FBXO8: variants seen among roughly 807,000 people sequenced by gnomAD.
The protein encoded by FBXO8 is F-box protein 8.
Under a neutral mutation model 33.4 loss-of-function variants are expected in FBXO8, and 15 were observed. That is an observed-to-expected ratio of 0.45 (90% CI 0.30 to 0.69). FBXO8 has a LOEUF of 0.69. Among genes scored for constraint, FBXO8 ranks in the 30% least tolerant of loss-of-function variants. FBXO8 has a pLI of 0.08. For synonymous variants in FBXO8, 132 were observed against 131.5 expected, an observed-to-expected ratio of 1.00 and a Z score of -0.02; for missense variants, 274 against 380.3, an observed-to-expected ratio of 0.72 and a Z score of 2.32.
chr4:174,266,784 A>G (rs1213896511), intron 1 of FBXO8, among the ~76,000 whole-genome samples: 4 of 152,218 alleles, frequency 2.6e-5, no homozygotes, highest in African/African-American at 9.6e-5. Flanking sequence ...TAATGATAAA[A>G]ATGTCTATAG....
rs1736549811 is a variant in FBXO8, at chr4:174,261,143, T to C, written c.330-1318A>G. Among the ~76,000 whole-genome samples the C allele has an allele frequency of 6.6e-6, 1 of 151,962 alleles. No individual in the cohort carries two copies. Among genetic ancestry groups the C allele is most frequent in the Non-Finnish European group, 1.5e-5 (1 of 67,860 alleles). ...TAAGTATAAAAAATTGTTTAGAATA[T>C]TATCAATATTTTTTCAGTCTTATTA... On this transcript the variant is annotated intron_variant, in intron 2 of 5. Coordinates refer to ENST00000393674, the MANE Select transcript of FBXO8 (RefSeq NM_012180.3). The surrounding 1 kb of genome is among the most constrained non-coding windows in gnomAD (Gnocchi z 4.1).
rs1736668449 is a variant in FBXO8 at position 174,265,287 on chromosome 4, TATTTACCTAATTAAAA to T, written c.-8-2203_-8-2188del. ...CCTAATTAAAAGCTTTTTATTTAGGTATTTACCTAATTAAAAGCTTTTTATTTAGGTATTTACCTAA... is the reference window on the plus strand; with the variant it reads ...CCTAATTAAAAGCTTTTTATTTAGGTGCTTTTTATTTAGGTATTTACCTAA... On this transcript the variant is annotated intron_variant, in intron 1 of 5. Transcript: ENST00000393674. The surrounding 1 kb of genome is among the most constrained non-coding windows in gnomAD (Gnocchi z 4.7). Among the ~76,000 whole-genome samples the T allele has an allele frequency of 3.6e-5, 2 of 56,120 alleles. No individual in the cohort carries two copies. The highest frequency in any genetic ancestry group is 9.0e-5 in the Non-Finnish European group (2 of 22,208). 36.8% of individuals were successfully genotyped at this position (56,120 alleles called of 152,430 possible).
At position 174,256,482 on chromosome 4, in the gene FBXO8, C is replaced by G. The variant is rs1170256269; in HGVS notation, c.456+3217G>C. On this transcript the variant is annotated intron_variant, in intron 3 of 5. Transcript: ENST00000393674. The surrounding 1 kb of genome is among the most constrained non-coding windows in gnomAD (Gnocchi z 4.6). ...TCTAAAGTCTGGCTAAAGTATGACT[C>G]ATACAGATAAGTGCTATATAAGAAC... Among the ~76,000 whole-genome samples the G allele has an allele frequency of 1.3e-5, 2 of 152,110 alleles. No homozygotes were observed.
Position 174,262,866 on chromosome 4 carries a change from G to A in FBXO8, c.227C>T (p.Pro76Leu), listed in dbSNP as rs1386947591. 2 of 1,613,924 alleles carry A rather than the reference G, an allele frequency of 1.2e-6. No homozygotes were observed. The highest frequency in any genetic ancestry group is 1.7e-6 in the Non-Finnish European group (2 of 1,179,940). Residue 76 changes from proline (P) to leucine (L), a missense_variant, in exon 2 of 6, where the codon CCT becomes CTT. By Grantham distance (98) the Pro-to-Leu change is moderately conservative. Coordinates refer to ENST00000393674, the MANE Select transcript of FBXO8 (RefSeq NM_012180.3). The surrounding 1 kb of genome is among the most constrained non-coding windows in gnomAD (Gnocchi z 4.6). ...EGFINLEMLP[P>L]ELSFTILSYL... Reference sequence around the variant, plus strand: ...GGACAAGATGGTAAAGCTTAGCTCAGGAGGCAACATTTCCAAATTAATGAA... The same window carrying A: ...GGACAAGATGGTAAAGCTTAGCTCAAGAGGCAACATTTCCAAATTAATGAA...
Position 174,262,930 on chromosome 4 carries a change from GAT to G in FBXO8, c.161_162del (p.Tyr54SerfsTer16). 1 of 1,614,040 alleles carries G rather than the reference GAT, an allele frequency of 6.2e-7. No individual in the cohort carries two copies. Among genetic ancestry groups the G allele is most frequent in the Non-Finnish European group, 8.5e-7 (1 of 1,179,948 alleles). On this transcript the variant is annotated frameshift_variant, in exon 2 of 6. Coordinates refer to ENST00000393674, the MANE Select transcript of FBXO8 (RefSeq NM_012180.3). LOFTEE classifies it high-confidence loss of function. This position sits in a 1 kb window ranked among gnomAD's most constrained non-coding sequence, Gnocchi z 4.6. ...RKQVQGGIDI[Y>X]HLLKARKSKE... Reference sequence around the variant, plus strand: ...TTCGATTTCCTTGCCTTCAAAAGATGATATATGTCAATGCCTCCTTGGACTTG... The same window carrying G: ...TTCGATTTCCTTGCCTTCAAAAGATGATATGTCAATGCCTCCTTGGACTTG...
rs1411745353 is a variant in FBXO8 at position 174,273,865 on chromosome 4, T to C, written c.-9+9545A>G. 3.3e-5 allele frequency among the ~76,000 whole-genome samples: 5 copies of C among 152,164 alleles called. No individual in the cohort carries two copies. In the East Asian group the frequency reaches 9.6e-4, roughly 29 times the overall value. On this transcript the variant is annotated intron_variant, in intron 1 of 5. Coordinates refer to ENST00000393674, the MANE Select transcript of FBXO8 (RefSeq NM_012180.3). ...GTTTAAGAATTATTATTATTATTAT[T>C]ACCTTAGGGCTCAGTGTAATACAGA...
At chr4:174,238,165 T>C (rs922230182) in intron 5 of FBXO8, among the ~76,000 whole-genome samples, 1 of 152,024 alleles carries the variant, frequency 6.6e-6, no homozygotes, top group Non-Finnish European at 1.5e-5. Context: ...TATAAAGGCC[T>C]GTGGAACTTA....
chr4:174,239,082 T>C lies in FBXO8; in HGVS notation c.684A>G (p.Gly228=). Reference sequence around the variant, plus strand: ...TTGTTATAAGAGTTTCAAGATACTCTCCACGCTCTTCAGGGGCATGGATAT... The same window carrying C: ...TTGTTATAAGAGTTTCAAGATACTCCCCACGCTCTTCAGGGGCATGGATAT... ...FRHIHAPEER[G]EYLETLITKF... is the part of the protein sequence containing the mutation. Residue 228 remains glycine, a synonymous_variant, in exon 5 of 6, where the codon GGA becomes GGG. Coordinates refer to ENST00000393674, the MANE Select transcript of FBXO8 (RefSeq NM_012180.3). The C allele has an allele frequency of 6.2e-7, 1 of 1,609,304 alleles. No individual in the cohort carries two copies. Among genetic ancestry groups the C allele is most frequent in the Non-Finnish European group, 8.5e-7 (1 of 1,177,250 alleles).
rs114036003 is a variant in FBXO8 at position 174,279,262 on chromosome 4, C to A, written c.-9+4148G>T. ...TGAAAAGGAAATTAAGAAAATAATACCAACTACAACAGCATCAAAAAGAAT... is the reference window on the plus strand; with the variant it reads ...TGAAAAGGAAATTAAGAAAATAATAACAACTACAACAGCATCAAAAAGAAT... On this transcript the variant is annotated intron_variant, in intron 1 of 5. Transcript: ENST00000393674. Among the ~76,000 whole-genome samples, 1,245 of 151,930 alleles carry A rather than the reference C, an allele frequency of 8.2e-3. 11 individuals carry two copies. Among genetic ancestry groups the A allele is most frequent in the Non-Finnish European group, 0.013 (849 of 67,870 alleles).
At position 174,251,914 on chromosome 4, in the gene FBXO8, C is replaced by T. The variant is rs142681464; in HGVS notation, c.456+7785G>A. The stretch of plus-strand genomic sequence containing the variant: ...TCTCACTGTCATCTAGCTTCTTTTG[C>T]CCTGATTAAATTCCCTTCAGCAAAT... On this transcript the variant is annotated intron_variant, in intron 3 of 5. Coordinates refer to ENST00000393674, the MANE Select transcript of FBXO8 (RefSeq NM_012180.3). The surrounding 1 kb of genome is among the most constrained non-coding windows in gnomAD (Gnocchi z 4.2). Among the ~76,000 whole-genome samples the T allele has an allele frequency of 1.7e-3, 258 of 152,222 alleles. 2 individuals carry two copies. Among genetic ancestry groups the T allele is most frequent in the African/African-American group, 5.7e-3 (237 of 41,530 alleles).
At chr4:174,238,607 G>C (rs1002050767) in intron 5 of FBXO8, among the ~76,000 whole-genome samples, 1 of 150,402 alleles carries the variant, frequency 6.6e-6, no homozygotes, top group Non-Finnish European at 1.5e-5. Flanking sequence ...ATGTCTATAT[G>C]TGTATATAGA....
rs1301481188 is a variant in FBXO8 at position 174,272,313 on chromosome 4, C to A, written c.-8-9213G>T. On this transcript the variant is annotated intron_variant, in intron 1 of 5. Transcript: ENST00000393674. The surrounding 1 kb of genome is among the most constrained non-coding windows in gnomAD (Gnocchi z 4.7). Reference sequence around the variant, plus strand: ...TTGTATAAAATGGCATAGTATACATCCTCCTGTATACTTTAAATCATCTCT... The same window carrying A: ...TTGTATAAAATGGCATAGTATACATACTCCTGTATACTTTAAATCATCTCT... 3.9e-5 allele frequency among the ~76,000 whole-genome samples: 6 copies of A among 152,186 alleles called. No homozygotes were observed. Among genetic ancestry groups the A allele is most frequent in the Non-Finnish European group, 8.8e-5 (6 of 68,038 alleles).
rs1376714057 is a variant in FBXO8 at position 174,274,822 on chromosome 4, TAAACGTA to T, written c.-9+8581_-9+8587del. Among the ~76,000 whole-genome samples the T allele has an allele frequency of 6.6e-6, 1 of 152,200 alleles. No homozygotes were observed. The highest frequency in any genetic ancestry group is 6.5e-5 in the Admixed American group (1 of 15,274). ...ATTAACTCAAAATGGACCATAGACT[TAAACGTA>T]AAACATAAAACTATAAAAATTTTAG... On this transcript the variant is annotated intron_variant, in intron 1 of 5. Coordinates refer to ENST00000393674, the MANE Select transcript of FBXO8 (RefSeq NM_012180.3). The surrounding 1 kb of genome is among the most constrained non-coding windows in gnomAD (Gnocchi z 4.0).
At position 174,241,616 on chromosome 4, in the gene FBXO8, T is replaced by C. The variant is rs7664501; in HGVS notation, c.457-398A>G. 0.11 allele frequency among the ~76,000 whole-genome samples: 16,327 copies of C among 151,462 alleles called. 966 individuals are homozygous for C. The highest frequency in any genetic ancestry group is 0.12 in the Middle Eastern group (35 of 294). On this transcript the variant is annotated intron_variant, in intron 3 of 5. Coordinates refer to ENST00000393674, the MANE Select transcript of FBXO8 (RefSeq NM_012180.3). This position sits in a 1 kb window ranked among gnomAD's most constrained non-coding sequence, Gnocchi z 4.2. ...CATGATTTCTTAAAGCTCACATATA[T>C]ATTGCAGTATGCCTTTCAAGGAAAG...
In FBXO8 at chr4:174,263,009, C is replaced by T. The variant is rs1323357905; in HGVS notation, c.84G>A (p.Glu28=). Residue 28 remains glutamate (E), a synonymous_variant, in exon 2 of 6, where the codon GAG becomes GAA. Transcript: ENST00000393674. The surrounding 1 kb of genome is among the most constrained non-coding windows in gnomAD (Gnocchi z 4.2). The stretch of plus-strand genomic sequence containing the variant: ...TGCTCGCAGCCATTCTCCTGCTCTG[C>T]TCTCTGGTGAGGTAGCCTTGCTCAC... ...GYSEQGYLTR[E]QSRRMAASNI... 1.9e-6 allele frequency: 3 copies of T among 1,614,038 alleles called. No individual in the cohort carries two copies. The highest frequency in any genetic ancestry group is 2.5e-6 in the Non-Finnish European group (3 of 1,179,934).
At position 174,259,936 on chromosome 4, in the gene FBXO8, G is replaced by T; in HGVS notation, c.330-111C>A. On this transcript the variant is annotated intron_variant, in intron 2 of 5. Coordinates refer to ENST00000393674, the MANE Select transcript of FBXO8 (RefSeq NM_012180.3). This position sits in a 1 kb window ranked among gnomAD's most constrained non-coding sequence, Gnocchi z 4.3. ...ACATGAAATAAGATTGAATTTTATA[G>T]TTCTAAAGTTTAAAATTTTTAAGTT... 1.7e-6 allele frequency: 2 copies of T among 1,165,032 alleles called. No individual in the cohort carries two copies. The highest frequency in any genetic ancestry group is 2.4e-6 in the Non-Finnish European group (2 of 845,404). The allele number at this position is 1,165,032 out of a possible 1,614,324, so 72.2% of individuals were successfully genotyped here.
At position 174,245,154 on chromosome 4, in the gene FBXO8, A is replaced by G. The variant is rs573671932; in HGVS notation, c.457-3936T>C. Among the ~76,000 whole-genome samples, 2 of 151,998 alleles carry G rather than the reference A, an allele frequency of 1.3e-5. No individual in the cohort carries two copies. The highest frequency in any genetic ancestry group is 3.9e-4 in the East Asian group (2 of 5,180). ...ACAGAGTTTTGCCCTAAGAAAATTT[A>G]AAGTTTATCTGTGGCAATGAGACAC... On this transcript the variant is annotated intron_variant, in intron 3 of 5. Transcript: ENST00000393674. The surrounding 1 kb of genome is among the most constrained non-coding windows in gnomAD (Gnocchi z 4.6).
At chr4:174,238,696 T>C (rs905697309) in intron 5 of FBXO8, among the ~76,000 whole-genome samples, 1 of 149,188 alleles carries the variant, frequency 6.7e-6, no homozygotes, top group Non-Finnish European at 1.5e-5. Flanking sequence ...GTAATATATA[T>C]ATTTATATAT....
chr4:174,242,368 T>C (rs1736059088), intron 3 of FBXO8, among the ~76,000 whole-genome samples: 1 of 151,592 alleles, frequency 6.6e-6, no homozygotes, highest in South Asian at 2.1e-4. Context: ...AAAAATTTTT[T>C]TTAAGTAATT....
Sources: gnomAD v4.1 joint callset for allele counts (sites outside exome capture counted in the v4.1 genomes callset) on GRCh38, gnomAD v4.1.1 for gene constraint, Gnocchi (gnomAD v3.1) non-coding constraint, MANE v1.5 for transcripts, NCBI Gene and HGNC (gene_info 2026-07-23, HGNC 2026-07-21) for gene names.